The following SYT16 variants were observed in gnomAD, a reference collection of about 807,000 sequenced individuals.
The protein encoded by SYT16 is synaptotagmin 16.
A neutral mutation model predicts 61.4 loss-of-function variants in SYT16; 42 were observed. The observed-to-expected ratio is 0.68, with a 90% CI of 0.53 to 0.89. The LOEUF (loss-of-function observed/expected upper bound fraction) is 0.89, where lower values mean the gene tolerates loss of function less well. Ranked by LOEUF, SYT16 falls within the 40% of genes least tolerant of loss-of-function variation. The probability of loss-of-function intolerance (pLI) is 0.00; values close to 1 mark genes in which losing one functional copy is unlikely to be tolerated. For missense variants in SYT16, 804 were observed against 807.3 expected, an observed-to-expected ratio of 1.00 and a Z score of 0.05; for synonymous variants, 314 against 302.3, an observed-to-expected ratio of 1.04 and a Z score of -0.40.
At chr14:61,960,904 T>G (rs2051091756) in intron 1 of SYT16, among the ~76,000 whole-genome samples, 1 of 152,114 alleles carries the variant, frequency 6.6e-6, no homozygotes, top group Non-Finnish European at 1.5e-5. Context: ...AGCATGGTAT[T>G]GGCACAGAAA....
In SYT16 at chr14:62,090,884, T is replaced by G. The variant is rs140537323; in HGVS notation, c.1624+6499T>G. On this transcript the variant is annotated intron_variant, in intron 7 of 7. Coordinates refer to ENST00000683842, the MANE Select transcript of SYT16 (RefSeq NM_001367656.1). The stretch of plus-strand genomic sequence containing the variant: ...AAAAGGCATGTCTTACATGGTGGCA[T>G]ACAAGAGAGAACTTGTGCAGGGAAC... Among the ~76,000 whole-genome samples, 34 of 152,236 alleles carry G rather than the reference T, an allele frequency of 2.2e-4. No individual in the cohort carries two copies. In the East Asian group the frequency reaches 3.5e-3, roughly 16 times the overall value.
chr14:62,091,852 A>G (rs764883886), intron 7 of SYT16, among the ~76,000 whole-genome samples: 39 of 152,190 alleles, frequency 2.6e-4, no homozygotes, highest in African/African-American at 3.4e-4. Flanking sequence ...AAAATAGACA[A>G]CTGGACTTCA....
At position 62,017,857 on chromosome 14, in the gene SYT16, G is replaced by C. The variant is rs553776952; in HGVS notation, c.523+21315G>C. ...GCCTCCTGAGTAGCTAGGACTACAGGTGCACACCATGACACCTGGCTAATT... is the reference window on the plus strand; with the variant it reads ...GCCTCCTGAGTAGCTAGGACTACAGCTGCACACCATGACACCTGGCTAATT... On this transcript the variant is annotated intron_variant, in intron 3 of 7. Coordinates refer to ENST00000683842, the MANE Select transcript of SYT16 (RefSeq NM_001367656.1). 6.6e-5 allele frequency among the ~76,000 whole-genome samples: 10 copies of C among 152,102 alleles called. No individual in the cohort carries two copies. The South Asian group carries it at 1.9e-3, about 28-fold the overall frequency.
chr14:62,019,346 A>G (rs1489213503), intron 3 of SYT16, among the ~76,000 whole-genome samples: 1 of 152,178 alleles, frequency 6.6e-6, no homozygotes, highest in African/African-American at 2.4e-5. Context: ...AGTCAGTCCC[A>G]TTTTTTAACT....
chr14:61,867,756 A>G (rs1295863823), intron 1 of SYT16, among the ~76,000 whole-genome samples: 3 of 152,070 alleles, frequency 2.0e-5, no homozygotes, highest in Non-Finnish European at 2.9e-5. Context: ...CTTGGGGGAA[A>G]GCATTTAGTC....
In SYT16 at chr14:61,970,260, C is replaced by T. The variant is rs547937814; in HGVS notation, c.-196C>T. Reference sequence around the variant, plus strand: ...AGGAGGCCTTCCTTTCCTGGAGCATCGAGGGAAAAGAAAGCATTCTAAAGA... The same window carrying T: ...AGGAGGCCTTCCTTTCCTGGAGCATTGAGGGAAAAGAAAGCATTCTAAAGA... On this transcript the variant is annotated 5_prime_UTR_variant, in exon 2 of 8. An upstream open reading frame in the 5' UTR gains an earlier in-frame stop. Transcript: ENST00000683842. The T allele has an allele frequency of 1.3e-5, 2 of 152,042 alleles. No individual in the cohort carries two copies. Among genetic ancestry groups the T allele is most frequent in the African/African-American group, 4.8e-5 (2 of 41,370 alleles). The allele number at this position is 152,042 out of a possible 1,614,324, so 9.4% of individuals were successfully genotyped here.
intron 1 of SYT16, among the ~76,000 whole-genome samples, chr14:61,946,419 G>A (rs1281752218): frequency 2.6e-5 from 4 of 152,092 alleles, no homozygotes; most frequent in East Asian, 1.9e-4. Context: ...AAGGTGGGAC[G>A]GTAGGAGGGG....
At chr14:61,881,036 G>A (rs1472666387) in intron 1 of SYT16, among the ~76,000 whole-genome samples, 1 of 152,016 alleles carries the variant, frequency 6.6e-6, no homozygotes, top group Non-Finnish European at 1.5e-5. Context: ...TCAAAAAACA[G>A]AACATTATTT....
intron 1 of SYT16, among the ~76,000 whole-genome samples, chr14:61,889,281 T>C (rs114861155): frequency 0.021 from 3,134 of 152,286 alleles, 39 homozygotes; most frequent in African/African-American, 0.043. Context: ...CAAATTGTTA[T>C]AATTATTGCT....
chr14:61,890,863 T>A (rs1029750725), intron 1 of SYT16, among the ~76,000 whole-genome samples: 1 of 152,162 alleles, frequency 6.6e-6, no homozygotes, highest in Non-Finnish European at 1.5e-5. Flanking sequence ...CATGGCTGGG[T>A]TGATTTTTCT....
At chr14:61,921,630 T>A in intron 1 of SYT16, among the ~76,000 whole-genome samples, 1 of 152,228 alleles carries the variant, frequency 6.6e-6, no homozygotes, top group East Asian at 1.9e-4. Context: ...TGAGCCCTGG[T>A]AGCTTTGTTG....
intron 3 of SYT16, among the ~76,000 whole-genome samples, chr14:62,013,899 G>C (rs1175216082): frequency 6.6e-6 from 1 of 152,034 alleles, no homozygotes; most frequent in Non-Finnish European, 1.5e-5. Context: ...GGGAGGCGGA[G>C]GTTGCCGTGA....
intron 5 of SYT16, 65 bp from the exon 6 acceptor site, chr14:62,080,769 A>C: frequency 6.6e-7 from 1 of 1,511,822 alleles, no homozygotes; most frequent in Non-Finnish European, 8.9e-7. Context: ...AAGGGGCACC[A>C]ACTGGCCAAA....
chr14:61,988,108 TG>T, intron 2 of SYT16, among the ~76,000 whole-genome samples: 1 of 152,168 alleles, frequency 6.6e-6, no homozygotes, highest in East Asian at 1.9e-4. Context: ...TCTCCTCTAC[TG>T]GGGGCCAGTA....
chr14:61,838,506 T>G (rs748063174), intron 1 of SYT16, among the ~76,000 whole-genome samples: 29 of 152,062 alleles, frequency 1.9e-4, no homozygotes, highest in Non-Finnish European at 3.7e-4. Flanking sequence ...CTCCCCCAGC[T>G]CCCACCTACC....
intron 1 of SYT16, among the ~76,000 whole-genome samples, chr14:61,912,340 ACT>A (rs1566674462): frequency 9.2e-5 from 14 of 152,122 alleles, no homozygotes; most frequent in East Asian, 7.7e-4. Flanking sequence ...TACTGCTGTC[ACT>A]CTGACAGCGT....
At chr14:61,895,629 C>A (rs1374229232) in intron 1 of SYT16, among the ~76,000 whole-genome samples, 1 of 152,132 alleles carries the variant, frequency 6.6e-6, no homozygotes, top group Non-Finnish European at 1.5e-5. Flanking sequence ...ATTACTGCTA[C>A]CCCCACCACT....
rs17099508 is a variant in SYT16, at chr14:62,094,186, A to G, written c.1625-6208A>G. ...GTAAAGACCACACTGTTAATTTGAT[A>G]TTTGACCTGAATTAAATGTCACATT... On this transcript the variant is annotated intron_variant, in intron 7 of 7. Transcript: ENST00000683842. 5.4e-3 allele frequency among the ~76,000 whole-genome samples: 821 copies of G among 152,216 alleles called. 7 individuals are homozygous for G. Among genetic ancestry groups the G allele is most frequent in the African/African-American group, 0.019 (782 of 41,550 alleles).
intron 3 of SYT16, among the ~76,000 whole-genome samples, chr14:62,033,822 A>G (rs1488368493): frequency 1.3e-5 from 2 of 152,174 alleles, no homozygotes; most frequent in Non-Finnish European, 2.9e-5. Flanking sequence ...ATATAACACT[A>G]AAAGCACAAG....
Sources: allele counts gnomAD v4.1 joint callset (sites outside exome capture counted in the v4.1 genomes callset), GRCh38; gene constraint gnomAD v4.1.1; transcripts MANE v1.5; gene names NCBI Gene and HGNC (gene_info 2026-07-23, HGNC 2026-07-21).